Variants in RANBP17 observed in about 807,000 individuals in gnomAD.
RANBP17 encodes ran-binding protein 17.
In RANBP17, 158 loss-of-function variants were observed where a neutral mutation model predicts 141.2. That is an observed-to-expected ratio of 1.12 (90% CI 0.98 to 1.28). RANBP17 has a LOEUF of 1.28. Among genes scored for constraint, RANBP17 ranks in the 50% most tolerant of loss-of-function variants. RANBP17 has a pLI of 0.00. For missense variants in RANBP17, 1,438 were observed against 1,290.7 expected, an observed-to-expected ratio of 1.11 and a Z score of -1.75; for synonymous variants, 430 against 450.0, an observed-to-expected ratio of 0.96 and a Z score of 0.56.
intron 14 of RANBP17, among the ~76,000 whole-genome samples, chr5:170,986,152 T>C (rs190014084): frequency 6.6e-6 from 1 of 152,218 alleles, no homozygotes; most frequent in Admixed American, 6.6e-5. Flanking sequence ...TCTGTTTGGA[T>C]GATAAATTAT....
intron 14 of RANBP17, among the ~76,000 whole-genome samples, chr5:171,130,699 A>G (rs1756853071): frequency 1.3e-5 from 2 of 152,120 alleles, no homozygotes; most frequent in African/African-American, 2.4e-5. Flanking sequence ...CAACCAAAAA[A>G]ATACTTTTTT....
intron 14 of RANBP17, among the ~76,000 whole-genome samples, chr5:171,084,809 G>GTT (rs1474830132): frequency 1.0e-3 from 26 of 25,428 alleles, no homozygotes; most frequent in Admixed American, 1.9e-3. Context: ...TGATGGGGTT[G>GTT]TTTGTTTTTT....
At chr5:171,106,135 G>A (rs1429799301) in intron 14 of RANBP17, among the ~76,000 whole-genome samples, 1 of 152,190 alleles carries the variant, frequency 6.6e-6, no homozygotes, top group Non-Finnish European at 1.5e-5. Flanking sequence ...TAACCACTAC[G>A]TTTAAGAATC....
At chr5:170,896,734 G>T (rs1421772613) in intron 5 of RANBP17, among the ~76,000 whole-genome samples, 3 of 152,206 alleles carry the variant, frequency 2.0e-5, no homozygotes, top group Admixed American at 6.5e-5. Context: ...GGAAGCTGAG[G>T]CAGGAGAATT....
At chr5:170,949,999 G>T (rs1299716727) in intron 12 of RANBP17, among the ~76,000 whole-genome samples, 2 of 152,136 alleles carry the variant, frequency 1.3e-5, no homozygotes, top group African/African-American at 2.4e-5. Flanking sequence ...TTGGGGAAAG[G>T]ATACCCTCTT....
At chr5:171,148,029 A>G (rs1460219938) in intron 14 of RANBP17, among the ~76,000 whole-genome samples, 1 of 152,086 alleles carries the variant, frequency 6.6e-6, no homozygotes, top group African/African-American at 2.4e-5. Flanking sequence ...GAGACTTTTC[A>G]TTTTGTTCTG....
At chr5:170,943,811 A>G (rs1335639364) in intron 12 of RANBP17, among the ~76,000 whole-genome samples, 1 of 152,190 alleles carries the variant, frequency 6.6e-6, no homozygotes, top group Non-Finnish European at 1.5e-5. Context: ...ATACGTAGCG[A>G]AATGACTACT....
At chr5:171,223,221 G>GT (rs1330062481) in intron 22 of RANBP17, among the ~76,000 whole-genome samples, 1 of 152,086 alleles carries the variant, frequency 6.6e-6, no homozygotes, top group African/African-American at 2.4e-5. Flanking sequence ...TTTTTCATGT[G>GT]TAAAAACTAG....
At chr5:171,095,165 A>G (rs1786594483) in intron 14 of RANBP17, among the ~76,000 whole-genome samples, 2 of 152,218 alleles carry the variant, frequency 1.3e-5, no homozygotes, top group Admixed American at 6.5e-5. Flanking sequence ...GCAACAGAAA[A>G]CGGACTAAGA....
chr5:170,971,631 C>A (rs192563651), intron 14 of RANBP17, among the ~76,000 whole-genome samples: 24 of 152,242 alleles, frequency 1.6e-4, no homozygotes, highest in Non-Finnish European at 1.2e-4. Flanking sequence ...TTCCTACTTC[C>A]CATATTTTAA....
chr5:171,053,878 CATATAT>C (rs58623197), intron 14 of RANBP17, among the ~76,000 whole-genome samples: 1,141 of 17,050 alleles, frequency 0.067, 13 homozygotes, highest in Admixed American at 0.082. Flanking sequence ...GTGTTTAGTT[CATATAT>C]ATATATATAT....
At chr5:171,157,187 T>C (rs552421917) in intron 14 of RANBP17, among the ~76,000 whole-genome samples, 6 of 152,326 alleles carry the variant, frequency 3.9e-5, no homozygotes, top group Admixed American at 3.3e-4. Flanking sequence ...TTATGATAAT[T>C]GTGAATGTTT....
intron 14 of RANBP17, among the ~76,000 whole-genome samples, chr5:171,066,600 T>C (rs1784327195): frequency 1.3e-5 from 2 of 152,238 alleles, no homozygotes; most frequent in South Asian, 4.1e-4. Context: ...TTCCATATCT[T>C]GTCTGTTCCA....
At chr5:171,183,873 C>A (rs939370596) in intron 18 of RANBP17, among the ~76,000 whole-genome samples, 2 of 151,984 alleles carry the variant, frequency 1.3e-5, no homozygotes, top group Non-Finnish European at 1.5e-5. Context: ...ATGATTGGCA[C>A]GCAATAAAAA....
At chr5:170,875,093 G>A (rs1476895117) in intron 1 of RANBP17, among the ~76,000 whole-genome samples, 2 of 152,128 alleles carry the variant, frequency 1.3e-5, no homozygotes, top group African/African-American at 4.8e-5. Flanking sequence ...ACGAAGCTTA[G>A]TTTGGCCAGA....
intron 14 of RANBP17, among the ~76,000 whole-genome samples, chr5:170,975,739 C>T (rs1307564746): frequency 2.0e-5 from 3 of 152,090 alleles, no homozygotes; most frequent in Non-Finnish European, 4.4e-5. Context: ...TTTTAACATA[C>T]GAATTTCCCG....
At chr5:171,043,807 T>C (rs183310702) in intron 14 of RANBP17, among the ~76,000 whole-genome samples, 6 of 152,264 alleles carry the variant, frequency 3.9e-5, no homozygotes, top group African/African-American at 1.4e-4. Flanking sequence ...AGAACTTTTC[T>C]GCTATGAGAT....
At chr5:170,886,470 A>G (rs1377612527) in intron 3 of RANBP17, among the ~76,000 whole-genome samples, 1 of 151,878 alleles carries the variant, frequency 6.6e-6, no homozygotes, top group Non-Finnish European at 1.5e-5. Flanking sequence ...GACTACATAA[A>G]CCTTGACTGT....
chr5:171,149,230 T>C (rs1758301553), intron 14 of RANBP17, among the ~76,000 whole-genome samples: 1 of 152,228 alleles, frequency 6.6e-6, no homozygotes. Context: ...ATACCATGGA[T>C]CTTTTTTACT....
Sources: gnomAD v4.1 joint callset for allele counts (sites outside exome capture counted in the v4.1 genomes callset) on GRCh38, gnomAD v4.1.1 for gene constraint, MANE v1.5 for transcripts, NCBI Gene and HGNC (gene_info 2026-07-23, HGNC 2026-07-21) for gene names.